The following RHBDL3 variants were observed in gnomAD, a reference collection of about 807,000 sequenced individuals.
The protein encoded by RHBDL3 is rhomboid-related protein 3.
RHBDL3 carries 28 observed loss-of-function variants against 48.2 expected under a neutral mutation model. The ratio of observed to expected loss-of-function variants is 0.58; its 90% CI spans 0.43 to 0.80. The LOEUF is 0.80. Among genes scored for constraint, RHBDL3 ranks in the 30% least tolerant of loss-of-function variants. The pLI is 0.00. For missense variants in RHBDL3, 464 were observed against 542.7 expected, an observed-to-expected ratio of 0.85 and a Z score of 1.44; for synonymous variants, 208 against 232.3, an observed-to-expected ratio of 0.90 and a Z score of 0.95.
At chr17:32,305,762 C>T (rs2040695704) in intron 7 of RHBDL3, among the ~76,000 whole-genome samples, 1 of 151,212 alleles carries the variant, frequency 6.6e-6, no homozygotes, top group African/African-American at 2.4e-5. Context: ...ACTAAAAATA[C>T]AAAAAATTAG....
rs1320229834 is a variant in RHBDL3 at position 32,321,515 on chromosome 17, C to G, written c.*286C>G. The G allele has an allele frequency of 1.5e-6, 1 of 653,608 alleles. No individual in the cohort carries two copies. Among genetic ancestry groups the G allele is most frequent in the Non-Finnish European group, 2.5e-6 (1 of 402,484 alleles). The allele number at this position is 653,608 out of a possible 1,614,324, so 40.5% of individuals were successfully genotyped here. A position where few individuals can be genotyped will look rare whatever the true frequency, so the allele number is the denominator to read the frequency against. ...GGGTGTGAGAGTGGCCCTCCCTCACCTGGGCTGGGCTTCTTCCATGGGGCC... is the reference window on the plus strand; with the variant it reads ...GGGTGTGAGAGTGGCCCTCCCTCACGTGGGCTGGGCTTCTTCCATGGGGCC... On this transcript the variant is annotated 3_prime_UTR_variant, in exon 9 of 9. Transcript: ENST00000269051.
At chr17:32,283,348 G>GTC (rs1352502106) in intron 2 of RHBDL3, among the ~76,000 whole-genome samples, 4 of 127,680 alleles carry the variant, frequency 3.1e-5, no homozygotes, top group African/African-American at 1.2e-4. Context: ...TTGAGATGGA[G>GTC]TCTCGCTGTG....
chr17:32,285,988 A>G (rs2150710888), intron 3 of RHBDL3, among the ~76,000 whole-genome samples: 1 of 152,226 alleles, frequency 6.6e-6, no homozygotes, highest in East Asian at 1.9e-4. Context: ...GGAGTGGAGG[A>G]ATCGACTGCT....
chr17:32,279,713 C>A (rs1024833191), intron 2 of RHBDL3, among the ~76,000 whole-genome samples: 1 of 152,110 alleles, frequency 6.6e-6, no homozygotes, highest in Admixed American at 6.5e-5. Flanking sequence ...CTTATGTGCA[C>A]GGGGTGGGTG....
In RHBDL3 at chr17:32,305,297, C is replaced by A. The variant is rs562310637; in HGVS notation, c.782-44C>A. 131 of 1,393,732 alleles carry A rather than the reference C, an allele frequency of 9.4e-5. 2 individuals carry two copies. In the South Asian group the frequency reaches 1.3e-3, roughly 14 times the overall value. The allele number at this position is 1,393,732 out of a possible 1,614,324, so 86.3% of individuals were successfully genotyped here. ...AGGCCTGGGGCTGGGTTGGGTGAGC[C>A]GAGTCCCGCACTCCTGAGAATTCTC... is the stretch of plus-strand genomic sequence containing the variant. On this transcript the variant is annotated intron_variant, in intron 6 of 8. Transcript: ENST00000269051.
intron 2 of RHBDL3, chr17:32,284,371 C>G (rs757912112): frequency 1.5e-5 from 5 of 329,558 alleles, no homozygotes; most frequent in Non-Finnish European, 2.8e-5. Flanking sequence ...CCTTTTCATT[C>G]GCACTTCCCT....
At chr17:32,313,706 T>C (rs2150752182) in intron 7 of RHBDL3, among the ~76,000 whole-genome samples, 1 of 151,760 alleles carries the variant, frequency 6.6e-6, no homozygotes, top group African/African-American at 2.4e-5. Context: ...TAGCGTAAGG[T>C]CCTCCAGGTT....
At chr17:32,289,163 T>A (rs2040268945) in intron 4 of RHBDL3, 147 bp downstream of exon 4, 1 of 672,804 alleles carries the variant, frequency 1.5e-6, no homozygotes, top group Non-Finnish European at 2.7e-6. Flanking sequence ...AAATAATAGT[T>A]GTATTGCAAA....
At chr17:32,281,101 A>G (rs2040031618) in intron 2 of RHBDL3, 1 of 152,474 alleles carries the variant, frequency 6.6e-6, no homozygotes, top group South Asian at 2.1e-4. Flanking sequence ...TGGCCCTGCC[A>G]TGAAAGGTAG....
At chr17:32,267,343 C>G (rs1290424990) in intron 1 of RHBDL3, among the ~76,000 whole-genome samples, 2 of 151,286 alleles carry the variant, frequency 1.3e-5, no homozygotes, top group Non-Finnish European at 2.9e-5. Context: ...TTCACCACCC[C>G]CCCTTCCCCG....
chr17:32,312,313 C>T (rs2040863391), intron 7 of RHBDL3, among the ~76,000 whole-genome samples: 1 of 152,040 alleles, frequency 6.6e-6, no homozygotes, highest in South Asian at 2.1e-4. Context: ...AGTGTGCCTA[C>T]AGTCCCAGCT....
In RHBDL3 at chr17:32,321,353, C is replaced by G. The variant is rs1252539575; in HGVS notation, c.*124C>G. The G allele has an allele frequency of 6.5e-7, 1 of 1,548,844 alleles. No homozygotes were observed. Among genetic ancestry groups the G allele is most frequent in the South Asian group, 1.2e-5 (1 of 84,974 alleles). On this transcript the variant is annotated 3_prime_UTR_variant, in exon 9 of 9. Transcript: ENST00000269051. Reference sequence around the variant, plus strand: ...GACAAGGACAGAAGACTCTGGGCCACTGTAATGTTTGTGTTTAGATTTGGA... The same window carrying G: ...GACAAGGACAGAAGACTCTGGGCCAGTGTAATGTTTGTGTTTAGATTTGGA...
rs751762333 is a variant in RHBDL3 at position 32,316,290 on chromosome 17, G to A, written c.941G>A (p.Cys314Tyr). 2 of 1,612,278 alleles carry A rather than the reference G, an allele frequency of 1.2e-6. No individual in the cohort carries two copies. Among genetic ancestry groups the A allele is most frequent in the African/African-American group, 1.3e-5 (1 of 75,002 alleles). Reference protein sequence around the residue: ...KLLRMAVALICMSMEFGRAVW... With the variant: ...KLLRMAVALIYMSMEFGRAVW... Reference sequence around the variant, plus strand: ...CTGCGGATGGCTGTGGCCCTTATCTGTAGTAAGTACTGATGGGGCGCTGGG... The same window carrying A: ...CTGCGGATGGCTGTGGCCCTTATCTATAGTAAGTACTGATGGGGCGCTGGG... Residue 314 changes from cysteine (C) to tyrosine (Y), a missense_variant and splice_region_variant, in exon 8 of 9, where the codon TGT becomes TAT. Coordinates refer to ENST00000269051, the MANE Select transcript of RHBDL3 (RefSeq NM_138328.3).
At chr17:32,304,052 G>A (rs2040651302) in intron 6 of RHBDL3, among the ~76,000 whole-genome samples, 1 of 152,126 alleles carries the variant, frequency 6.6e-6, no homozygotes, top group African/African-American at 2.4e-5. Flanking sequence ...TCCTCCCTTG[G>A]AAGACAAAGC....
intron 5 of RHBDL3, among the ~76,000 whole-genome samples, chr17:32,295,222 G>A (rs894401173): frequency 2.0e-5 from 3 of 152,196 alleles, no homozygotes; most frequent in Non-Finnish European, 2.9e-5. Context: ...CCCCAATGAC[G>A]CCATAATTCC....
In RHBDL3 at chr17:32,314,405, G is replaced by A. The variant is rs111446119; in HGVS notation, c.883-1827G>A. On this transcript the variant is annotated intron_variant, in intron 7 of 8. Coordinates refer to ENST00000269051, the MANE Select transcript of RHBDL3 (RefSeq NM_138328.3). ...TTTTTATTTTTATTTTTTTTGAGAC[G>A]GAGTCTGGCTCAAGTAATCCACCCG... is the stretch of plus-strand genomic sequence containing the variant. Among the ~76,000 whole-genome samples, 260 of 150,454 alleles carry A rather than the reference G, an allele frequency of 1.7e-3. 1 individual carries two copies. Among genetic ancestry groups the A allele is most frequent in the Non-Finnish European group, 2.2e-3 (152 of 67,646 alleles).
At chr17:32,275,742 T>C (rs1385629612) in intron 2 of RHBDL3, among the ~76,000 whole-genome samples, 1 of 152,198 alleles carries the variant, frequency 6.6e-6, no homozygotes, top group Non-Finnish European at 1.5e-5. Context: ...AGGAGGCTGC[T>C]TGGGGCTTTT....
intron 1 of RHBDL3, 67 bp downstream of exon 1, chr17:32,266,367 C>A: frequency 1.2e-6 from 1 of 816,690 alleles, no homozygotes. Context: ...GCCCCTGTCT[C>A]GCCCCACGCC....
intron 7 of RHBDL3, 53 bp from the exon 8 acceptor site, chr17:32,316,179 C>G (rs2040967919): frequency 7.7e-7 from 1 of 1,292,030 alleles, no homozygotes; most frequent in Admixed American, 1.8e-5. Flanking sequence ...GCAAGACACA[C>G]CGGCAGAAGA....
Sources: gnomAD v4.1 joint callset for allele counts (sites outside exome capture counted in the v4.1 genomes callset) on GRCh38, gnomAD v4.1.1 for gene constraint, MANE v1.5 for transcripts, NCBI Gene and HGNC (gene_info 2026-07-23, HGNC 2026-07-21) for gene names.